Variants in SMARCD1 observed in about 807,000 individuals in gnomAD.
The protein encoded by SMARCD1 is SWI/SNF related BAF chromatin remodeling complex subunit D1.
A neutral mutation model predicts 70.8 loss-of-function variants in SMARCD1; 16 were observed. That is an observed-to-expected ratio of 0.23 (90% CI 0.15 to 0.34). The LOEUF is 0.34. Ranked by LOEUF, SMARCD1 falls within the 10% of genes least tolerant of loss-of-function variation. The pLI is 1.00. For synonymous variants in SMARCD1, 249 were observed against 246.0 expected, an observed-to-expected ratio of 1.01 and a Z score of -0.11; for missense variants, 409 against 655.5, an observed-to-expected ratio of 0.62 and a Z score of 4.11.
chr12:50,088,887 C>A, intron 6 of SMARCD1: 1 of 261,888 alleles, frequency 3.8e-6, no homozygotes, highest in Non-Finnish European at 7.2e-6. Flanking sequence ...CCACCTCTTT[C>A]AAGGGAAAGT....
intron 9 of SMARCD1, among the ~76,000 whole-genome samples, chr12:50,092,350 A>C (rs1279486629): frequency 2.8e-5 from 4 of 144,246 alleles, no homozygotes; most frequent in Non-Finnish European, 6.0e-5. Context: ...CAGCCTCCCA[A>C]GTAGTTGGGA....
Position 50,094,517 on chromosome 12 carries a change from A to G in SMARCD1, c.1214A>G (p.Asn405Ser). Residue 405 changes from asparagine (N) to serine (S), a missense_variant, in exon 10 of 13, where the codon AAT becomes AGT. By Grantham distance (46) the Asn-to-Ser change is conservative (BLOSUM62 1). Transcript: ENST00000394963. ...GATGACACCTTGAAGACCCAGATGA[A>G]TTCTTTTCTGCTGTCCACTGCCAGC... The part of the protein sequence containing the change: ...EVDDTLKTQM[N>S]SFLLSTASQQ... 1 of 1,614,090 alleles carries G rather than the reference A, an allele frequency of 6.2e-7. No individual in the cohort carries two copies.
intron 9 of SMARCD1, among the ~76,000 whole-genome samples, chr12:50,092,026 A>G (rs1950848278): frequency 1.3e-5 from 2 of 152,160 alleles, no homozygotes; most frequent in South Asian, 4.1e-4. Context: ...TGGATGGTAC[A>G]GCATTCTAGT....
chr12:50,090,366 G>A lies in SMARCD1; in HGVS notation c.999G>A (p.Glu333=), dbSNP rs1436516335. 1 of 1,613,992 alleles carries A rather than the reference G, an allele frequency of 6.2e-7. No individual in the cohort carries two copies. The highest frequency in any genetic ancestry group is 1.3e-5 in the African/African-American group (1 of 74,914). Residue 333 remains glutamate (E), a synonymous_variant, in exon 8 of 13, where the codon GAG becomes GAA. Coordinates refer to ENST00000394963, the MANE Select transcript of SMARCD1 (RefSeq NM_003076.5). ...IKTHKLQDPH[E]REFVICDKYL... Reference sequence around the variant, plus strand: ...CACATAAGCTCCAGGACCCTCACGAGCGGGAGTTTGTCATCTGTGACAAGT... The same window carrying A: ...CACATAAGCTCCAGGACCCTCACGAACGGGAGTTTGTCATCTGTGACAAGT...
intron 9 of SMARCD1, among the ~76,000 whole-genome samples, chr12:50,090,821 C>CTTTTTTTTTTTTTTTT (rs11443542): frequency 9.8e-6 from 1 of 102,438 alleles, no homozygotes. Flanking sequence ...TGTATTTGTG[C>CTTTTTTTTTTTTTTTT]TTTTTTTTTT....
chr12:50,098,593 G>C (rs1950912630), intron 11 of SMARCD1, 121 bp from the exon 12 acceptor site: 3 of 712,300 alleles, frequency 4.2e-6, no homozygotes, highest in Non-Finnish European at 7.3e-6. Context: ...ACAGGTACTA[G>C]GGGTTGGTTA....
Position 50,094,386 on chromosome 12 carries a change from T to TA in SMARCD1, c.1134-50dup, listed in dbSNP as rs753997644. The TA allele has an allele frequency of 4.5e-6, 7 of 1,571,932 alleles. No homozygotes were observed. The African/African-American group carries it at 9.6e-5, about 22-fold the overall frequency. ...GGTCATCTTTTTGACCCTGTGTAAT[T>TA]AGGTCTTAGGGGACAAGCTCTTTAC... On this transcript the variant is annotated intron_variant, in intron 9 of 12. Coordinates refer to ENST00000394963, the MANE Select transcript of SMARCD1 (RefSeq NM_003076.5).
intron 10 of SMARCD1, 183 bp from the exon 11 acceptor site, chr12:50,096,667 G>A: frequency 1.8e-6 from 1 of 565,574 alleles, no homozygotes. Context: ...CAGAAACAAG[G>A]GCAAATTACT....
At chr12:50,088,675 G>A (rs1405300130) in intron 6 of SMARCD1, 38 bp downstream of exon 6, 2 of 1,133,502 alleles carry the variant, frequency 1.8e-6, no homozygotes, top group African/African-American at 3.1e-5. Context: ...ACTCTGATTG[G>A]AGGATGATGG....
intron 4 of SMARCD1, 94 bp downstream of exon 4, chr12:50,086,972 CT>C: frequency 1.6e-6 from 2 of 1,285,522 alleles, no homozygotes; most frequent in South Asian, 2.6e-5. Context: ...CAGCACAACT[CT>C]CCTTGGCATT....
At chr12:50,090,087 T>C in intron 7 of SMARCD1, 102 bp downstream of exon 7, 1 of 1,317,454 alleles carries the variant, frequency 7.6e-7, no homozygotes, top group Non-Finnish European at 1.1e-6. Context: ...TTTGCCACTT[T>C]GGCACAGAGA....
In SMARCD1 at chr12:50,100,042, C is replaced by G. The variant is rs1009479666; in HGVS notation, c.*1042C>G. The G allele has an allele frequency of 6.5e-6, 1 of 152,816 alleles. No individual in the cohort carries two copies. The highest frequency in any genetic ancestry group is 1.5e-5 in the Non-Finnish European group (1 of 68,208). 9.5% of individuals were successfully genotyped at this position (152,816 alleles called of 1,614,324 possible). ...GTTGGGTTTGTGACTCTTCCCTCTCCCTGCCTCACAGGATTGTGACTCCCC... is the reference window on the plus strand; with the variant it reads ...GTTGGGTTTGTGACTCTTCCCTCTCGCTGCCTCACAGGATTGTGACTCCCC... On this transcript the variant is annotated 3_prime_UTR_variant, in exon 13 of 13. Transcript: ENST00000394963.
chr12:50,085,458 C>G lies in SMARCD1; in HGVS notation c.89C>G (p.Pro30Arg). ...GCGGGCGCGGCTGCTGCCTTGGGCC[C>G]GGGCGGAACTCCGGGGCCTCCTGTG... ...GGAGAAAALG[P>R]GGTPGPPVRM... The change falls in exon 1 of 13, where the codon CCG (proline) becomes CGG (arginine). Residue 30 changes from proline (P) to arginine (R), a missense_variant. By Grantham distance (103) the Pro-to-Arg change is moderately radical. Around this residue, in one of 2 missense-constraint regions of SMARCD1, gnomAD observed 140 missense variants for 156.9 expected, o/e 0.89. Coordinates refer to ENST00000394963, the MANE Select transcript of SMARCD1 (RefSeq NM_003076.5). 2.4e-6 allele frequency: 3 copies of G among 1,239,190 alleles called. No individual in the cohort carries two copies. The highest frequency in any genetic ancestry group is 3.0e-6 in the Non-Finnish European group (3 of 992,178). The allele number at this position is 1,239,190 out of a possible 1,614,324, so 76.8% of individuals were successfully genotyped here.
chr12:50,086,984 T>A, intron 4 of SMARCD1, 106 bp downstream of exon 4: 1 of 1,159,522 alleles, frequency 8.6e-7, no homozygotes, highest in Non-Finnish European at 1.2e-6. Context: ...CCTTGGCATT[T>A]AAATTGCATC....
intron 4 of SMARCD1, among the ~76,000 whole-genome samples, 197 bp downstream of exon 4, chr12:50,087,075 C>G (rs1316387630): frequency 6.6e-6 from 1 of 152,232 alleles, no homozygotes; most frequent in Non-Finnish European, 1.5e-5. Flanking sequence ...CTTGATGTCT[C>G]TTGCACTACA....
chr12:50,092,518 G>A (rs1248477915), intron 9 of SMARCD1, among the ~76,000 whole-genome samples: 6 of 136,688 alleles, frequency 4.4e-5, no homozygotes, highest in South Asian at 2.2e-4. Flanking sequence ...CACCACACCC[G>A]GTGGGCTTTT....
At chr12:50,089,494 G>C (rs1369978460) in intron 6 of SMARCD1, 1 of 169,792 alleles carries the variant, frequency 5.9e-6, no homozygotes, top group Non-Finnish European at 1.3e-5. Context: ...TTTCTCATCT[G>C]TAAAATAAGT....
At chr12:50,089,006 A>AT (rs147389306) in intron 6 of SMARCD1, 1,915 of 157,096 alleles carry the variant, frequency 0.012, 37 homozygotes, top group African/African-American at 0.044. Flanking sequence ...AATTAGAGTG[A>AT]TTGACTGATA....
At chr12:50,086,561 C>G in intron 2 of SMARCD1, 60 bp from the exon 3 acceptor site, 1 of 1,543,802 alleles carries the variant, frequency 6.5e-7, no homozygotes. Flanking sequence ...GTGCTGACAG[C>G]TTATTTTCAC....
Sources: gnomAD v4.1 joint callset for allele counts (sites outside exome capture counted in the v4.1 genomes callset) on GRCh38, gnomAD v4.1.1 for gene constraint, gnomAD v4.1.1 regional missense constraint, MANE v1.5 for transcripts, NCBI Gene and HGNC (gene_info 2026-07-23, HGNC 2026-07-21) for gene names.